ZNF407: variants seen among roughly 807,000 people sequenced by gnomAD.
ZNF407 encodes zinc finger protein 407.
ZNF407 carries 17 observed loss-of-function variants against 131.2 expected under a neutral mutation model. The observed-to-expected ratio is 0.13, with a 90% CI of 0.09 to 0.19. ZNF407 has a LOEUF of 0.19. Among genes scored for constraint, ZNF407 ranks in the 10% least tolerant of loss-of-function variants. The pLI is 1.00. For synonymous variants in ZNF407, 1,156 were observed against 1,062.0 expected (o/e 1.09, Z -1.72); for missense variants, 2,681 against 2,830.6 (o/e 0.95, Z 1.20).
At chr18:75,004,949 C>T (rs1293468586) in intron 8 of ZNF407, among the ~76,000 whole-genome samples, 5 of 152,118 alleles carry the variant, frequency 3.3e-5, no homozygotes, top group South Asian at 2.1e-4. Context: ...CCTCTATCAG[C>T]GGTGTTCCAC....
At chr18:74,840,364 G>A (rs906776045) in intron 4 of ZNF407, among the ~76,000 whole-genome samples, 1 of 151,812 alleles carries the variant, frequency 6.6e-6, no homozygotes, top group Admixed American at 6.6e-5. Flanking sequence ...TGGTGATCTC[G>A]AGCCAGACCT....
chr18:74,764,607 A>G (rs1969186220), intron 3 of ZNF407, among the ~76,000 whole-genome samples: 2 of 152,218 alleles, frequency 1.3e-5, no homozygotes, highest in East Asian at 3.9e-4. Context: ...TAAGTATTGT[A>G]AGTAATCTAG....
intron 8 of ZNF407, among the ~76,000 whole-genome samples, chr18:74,971,470 AC>A (rs1340234924): frequency 1.3e-5 from 2 of 152,174 alleles, no homozygotes; most frequent in African/African-American, 4.8e-5. Flanking sequence ...TCTGCCAGAT[AC>A]CCTAAATCAT....
intron 3 of ZNF407, among the ~76,000 whole-genome samples, chr18:74,701,809 A>G (rs1414215976): frequency 1.3e-5 from 2 of 152,100 alleles, no homozygotes; most frequent in Non-Finnish European, 2.9e-5. Context: ...CCTTCCCCCA[A>G]CATGCAGTTT....
At position 75,063,299 on chromosome 18, in the gene ZNF407, C is replaced by T. The variant is rs1479177815; in HGVS notation, c.5578C>T (p.Pro1860Ser). The stretch of plus-strand genomic sequence containing the variant: ...AAGCAGCAGGAGGCCAGCGCCGCCC[C>T]CTGAGCAGGTGCAGCAGGTCATCAT... ...LRSSRRPAPP[P>S]EQVQQVIIFQ... The change falls in exon 9 of 9, where the codon CCT (proline) becomes TCT (serine). Residue 1860 changes from proline to serine, a missense_variant. Transcript: ENST00000299687. The surrounding 1 kb of genome is among the most constrained non-coding windows in gnomAD (Gnocchi z 6.6). The T allele has an allele frequency of 6.2e-7, 1 of 1,613,554 alleles. No individual in the cohort carries two copies. The highest frequency in any genetic ancestry group is 2.2e-5 in the East Asian group (1 of 44,890).
At chr18:74,625,456 G>A (rs1161349987) in intron 1 of ZNF407, among the ~76,000 whole-genome samples, 1 of 152,160 alleles carries the variant, frequency 6.6e-6, no homozygotes, top group African/African-American at 2.4e-5. Context: ...GGTGCCTAGT[G>A]AAAGGGACAG....
intron 8 of ZNF407, among the ~76,000 whole-genome samples, chr18:75,050,630 A>G (rs2122263156): frequency 6.6e-6 from 1 of 152,332 alleles, no homozygotes; most frequent in Non-Finnish European, 1.5e-5. Flanking sequence ...ATCTTTTATT[A>G]CAAGGAGTAA....
chr18:74,800,698 C>T lies in ZNF407; in HGVS notation c.4877+19196C>T, dbSNP rs139841380. On this transcript the variant is annotated intron_variant, in intron 4 of 8. Coordinates refer to ENST00000299687, the MANE Select transcript of ZNF407 (RefSeq NM_017757.3). Reference sequence around the variant, plus strand: ...ATTTCTCATTGGAAGCATATATAAACTCAGTTTGTTTTATATACTGAAAGT... The same window carrying T: ...ATTTCTCATTGGAAGCATATATAAATTCAGTTTGTTTTATATACTGAAAGT... Among the ~76,000 whole-genome samples the T allele has an allele frequency of 8.0e-4, 122 of 152,192 alleles. 1 individual carries two copies. The highest frequency in any genetic ancestry group is 1.1e-3 in the Non-Finnish European group (75 of 67,958).
chr18:74,897,401 C>G (rs1971466632), intron 7 of ZNF407, among the ~76,000 whole-genome samples: 1 of 152,164 alleles, frequency 6.6e-6, no homozygotes. Context: ...ATTTTGAACA[C>G]AAAGTGACCA....
At chr18:74,630,040 A>G (rs1983978654) in intron 1 of ZNF407, among the ~76,000 whole-genome samples, 1 of 152,140 alleles carries the variant, frequency 6.6e-6, no homozygotes, top group Non-Finnish European at 1.5e-5. Flanking sequence ...GTGGCTTTTC[A>G]TTGGTAAAAG....
chr18:75,039,335 T>C (rs1294660856), intron 8 of ZNF407, among the ~76,000 whole-genome samples: 3 of 152,228 alleles, frequency 2.0e-5, no homozygotes, highest in Non-Finnish European at 4.4e-5. Flanking sequence ...GCTTACTTCA[T>C]TTAGTTATTC....
intron 3 of ZNF407, among the ~76,000 whole-genome samples, chr18:74,681,029 G>A (rs1966970665): frequency 6.6e-6 from 1 of 152,158 alleles, no homozygotes; most frequent in Admixed American, 6.5e-5. Context: ...AAAATGTGGA[G>A]AGACAGAAGT....
At position 74,748,284 on chromosome 18, in the gene ZNF407, CT is replaced by C. The variant is rs35881659; in HGVS notation, c.4803-33130del. 3.3e-3 allele frequency among the ~76,000 whole-genome samples: 455 copies of C among 138,554 alleles called. 1 individual carries two copies. The highest frequency in any genetic ancestry group is 9.5e-3 in the South Asian group (41 of 4,316). The allele number at this position is 138,554 out of a possible 152,430, so 90.9% of individuals were successfully genotyped here. Reference sequence around the variant, plus strand: ...TGTTGCTGACATTTAAAAATTCTTTCTTTTTTTTTTTTTTGTCCTCTGCAAT... The same window carrying C: ...TGTTGCTGACATTTAAAAATTCTTTCTTTTTTTTTTTTTGTCCTCTGCAAT... On this transcript the variant is annotated intron_variant, in intron 3 of 8. Coordinates refer to ENST00000299687, the MANE Select transcript of ZNF407 (RefSeq NM_017757.3).
At chr18:75,016,597 T>G (rs971433227) in intron 8 of ZNF407, among the ~76,000 whole-genome samples, 1 of 152,110 alleles carries the variant, frequency 6.6e-6, no homozygotes. Flanking sequence ...AGTTCTTATG[T>G]TCCAACCTGT....
intron 8 of ZNF407, among the ~76,000 whole-genome samples, chr18:74,964,282 A>G (rs916944878): frequency 3.9e-5 from 6 of 152,224 alleles, no homozygotes; most frequent in Non-Finnish European, 8.8e-5. Flanking sequence ...TTATAGGGGT[A>G]GGTAGCAATG....
intron 4 of ZNF407, among the ~76,000 whole-genome samples, chr18:74,788,840 TA>T (rs1969771694): frequency 6.7e-6 from 1 of 149,852 alleles, no homozygotes; most frequent in Non-Finnish European, 1.5e-5. Context: ...AATATTTTAT[TA>T]ATAAACTTGA....
intron 3 of ZNF407, among the ~76,000 whole-genome samples, chr18:74,649,549 T>C (rs1985132371): frequency 6.6e-6 from 1 of 152,222 alleles, no homozygotes; most frequent in Admixed American, 6.5e-5. Flanking sequence ...GACATTTTAG[T>C]ATTCACCACT....
At chr18:74,972,146 G>C (rs1384261341) in intron 8 of ZNF407, among the ~76,000 whole-genome samples, 1 of 152,168 alleles carries the variant, frequency 6.6e-6, no homozygotes, top group Non-Finnish European at 1.5e-5. Context: ...AATTCAAGTT[G>C]AGATTTGGAT....
At chr18:74,705,561 C>T (rs1025600846) in intron 3 of ZNF407, among the ~76,000 whole-genome samples, 1 of 152,110 alleles carries the variant, frequency 6.6e-6, no homozygotes, top group African/African-American at 2.4e-5. Context: ...GTAGATTAGA[C>T]TTTTTGAATA....
Sources: gnomAD v4.1 joint callset for allele counts (sites outside exome capture counted in the v4.1 genomes callset) on GRCh38, gnomAD v4.1.1 for gene constraint, Gnocchi (gnomAD v3.1) non-coding constraint, MANE v1.5 for transcripts, NCBI Gene and HGNC (gene_info 2026-07-23, HGNC 2026-07-21) for gene names.